The following CNNM2 variants were observed in gnomAD, a reference collection of about 807,000 sequenced individuals.
The protein encoded by CNNM2 is metal transporter CNNM2.
Under a neutral mutation model 66.9 loss-of-function variants are expected in CNNM2, and 12 were observed. The observed-to-expected ratio is 0.18, with a 90% confidence interval of 0.11 to 0.29. The LOEUF is 0.29. Ranked by LOEUF, CNNM2 falls within the 10% of genes least tolerant of loss-of-function variation. The pLI, the probability that CNNM2 is intolerant of heterozygous loss-of-function variation, is 1.00. For synonymous variants in CNNM2, 557 were observed against 501.8 expected, an observed-to-expected ratio of 1.11 and a Z score of -1.47; for missense variants, 705 against 1,167.7, an observed-to-expected ratio of 0.60 and a Z score of 5.77.
intron 1 of CNNM2, among the ~76,000 whole-genome samples, chr10:102,993,576 A>G (rs566051936): frequency 6.6e-6 from 1 of 152,024 alleles, no homozygotes; most frequent in Non-Finnish European, 1.5e-5. Context: ...GTTTCCTCCT[A>G]TTGTTTGTGA....
chr10:103,000,610 C>T (rs1217327813), intron 1 of CNNM2, among the ~76,000 whole-genome samples: 1 of 152,032 alleles, frequency 6.6e-6, no homozygotes, highest in African/African-American at 2.4e-5. Context: ...CGTGCCACCA[C>T]ACCTGGCTCA....
At chr10:102,978,833 T>C (rs2063677727) in intron 1 of CNNM2, among the ~76,000 whole-genome samples, 1 of 152,178 alleles carries the variant, frequency 6.6e-6, no homozygotes, top group African/African-American at 2.4e-5. Flanking sequence ...TCAGTTTTGT[T>C]GTTTTTGTAC....
chr10:103,089,833 G>A lies in CNNM2; in HGVS notation c.*12653G>A, dbSNP rs777275675. 5.0e-6 allele frequency: 8 copies of A among 1,614,060 alleles called. No individual in the cohort carries two copies. The highest frequency in any genetic ancestry group is 5.1e-6 in the Non-Finnish European group (6 of 1,180,000). ...GTGTCTTTGAAATCCACTGATGTGCGGTTCCGGGTGGCAAGAGGAGACTCC... is the reference window on the plus strand; with the variant it reads ...GTGTCTTTGAAATCCACTGATGTGCAGTTCCGGGTGGCAAGAGGAGACTCC... On this transcript the variant is annotated 3_prime_UTR_variant, in exon 8 of 8. Transcript: ENST00000369878.
Position 102,921,896 on chromosome 10 carries a change from A to C in CNNM2, c.1621+1795A>C, listed in dbSNP as rs529197805. Among the ~76,000 whole-genome samples, 301 of 152,202 alleles carry C rather than the reference A, an allele frequency of 2.0e-3. 2 individuals are homozygous for C. The highest frequency in any genetic ancestry group is 7.1e-3 in the African/African-American group (294 of 41,510). On this transcript the variant is annotated intron_variant, in intron 1 of 7. Coordinates refer to ENST00000369878, the MANE Select transcript of CNNM2 (RefSeq NM_017649.5). The stretch of plus-strand genomic sequence containing the variant: ...CCTTGAGAATTTAGTTTTTCACCTC[A>C]CAGCTCCTTAATGCCGCCCTTACTC...
intron 2 of CNNM2, among the ~76,000 whole-genome samples, chr10:103,052,325 A>G (rs2065229468): frequency 6.6e-6 from 1 of 151,058 alleles, no homozygotes; most frequent in South Asian, 2.1e-4. Context: ...GTGTGTCTGT[A>G]TTTCTGTTTG....
chr10:103,071,133 A>G (rs1044544276), intron 5 of CNNM2, among the ~76,000 whole-genome samples: 1 of 152,208 alleles, frequency 6.6e-6, no homozygotes, highest in Non-Finnish European at 1.5e-5. Flanking sequence ...CTTAAGACCT[A>G]CCTGCCCCAG....
intron 1 of CNNM2, among the ~76,000 whole-genome samples, chr10:103,010,172 A>T (rs2064313329): frequency 6.6e-6 from 1 of 152,184 alleles, no homozygotes; most frequent in Admixed American, 6.5e-5. Flanking sequence ...ATATAGAAAC[A>T]TGTTCATATA....
intron 1 of CNNM2, among the ~76,000 whole-genome samples, chr10:102,943,487 A>G (rs1167503322): frequency 6.6e-6 from 1 of 152,162 alleles, no homozygotes; most frequent in East Asian, 1.9e-4. Context: ...GGTAGGAGAT[A>G]CACTGAAATG....
chr10:102,984,941 C>T (rs930399940), intron 1 of CNNM2, among the ~76,000 whole-genome samples: 14 of 151,988 alleles, frequency 9.2e-5, no homozygotes, highest in Admixed American at 7.9e-4. Context: ...CCACTGTGCC[C>T]GGGCTTTACT....
chr10:103,072,629 CCTAA>C (rs1217763794), intron 6 of CNNM2, among the ~76,000 whole-genome samples: 2 of 152,314 alleles, frequency 1.3e-5, no homozygotes, highest in African/African-American at 4.8e-5. Context: ...GGTGGCCAGT[CCTAA>C]CTAATACGTC....
chr10:103,001,907 G>A (rs1387603538), intron 1 of CNNM2, among the ~76,000 whole-genome samples: 1 of 152,102 alleles, frequency 6.6e-6, no homozygotes, highest in Non-Finnish European at 1.5e-5. Context: ...AGACACAGGA[G>A]AATCACTTGA....
At chr10:103,014,717 G>A (rs2064408700) in intron 1 of CNNM2, among the ~76,000 whole-genome samples, 1 of 152,124 alleles carries the variant, frequency 6.6e-6, no homozygotes. Context: ...TTTGACAGAT[G>A]AAATTCCTCT....
At chr10:102,920,876 A>G (rs1437546004) in intron 1 of CNNM2, among the ~76,000 whole-genome samples, 2 of 152,332 alleles carry the variant, frequency 1.3e-5, no homozygotes, top group East Asian at 3.9e-4. Flanking sequence ...TTATCTGACA[A>G]CAGTTACAGT....
intron 1 of CNNM2, among the ~76,000 whole-genome samples, chr10:102,934,120 G>A (rs915806770): frequency 6.7e-6 from 1 of 150,176 alleles, no homozygotes; most frequent in African/African-American, 2.5e-5. Context: ...CTGGGATTAC[G>A]GATGAGTCAC....
intron 1 of CNNM2, among the ~76,000 whole-genome samples, chr10:102,935,133 T>A (rs1590272403): frequency 8.0e-6 from 1 of 125,078 alleles, no homozygotes; most frequent in Non-Finnish European, 1.6e-5. Context: ...CATTCCAGCC[T>A]GGGCGACAGA....
At chr10:102,940,249 T>C (rs1449996897) in intron 1 of CNNM2, among the ~76,000 whole-genome samples, 1 of 152,030 alleles carries the variant, frequency 6.6e-6, no homozygotes, top group Non-Finnish European at 1.5e-5. Context: ...CCACTGCGCC[T>C]GGCCTCCCCT....
Position 103,084,566 on chromosome 10 carries a change from C to T in CNNM2, c.*7386C>T, listed in dbSNP as rs1260881810. 6.6e-6 allele frequency: 1 copy of T among 152,160 alleles called. No homozygotes were observed. The highest frequency in any genetic ancestry group is 2.4e-5 in the African/African-American group (1 of 41,440). The allele number at this position is 152,160 out of a possible 1,614,324, so 9.4% of individuals were successfully genotyped here. A position where few individuals can be genotyped will look rare whatever the true frequency, so the allele number is the denominator to read the frequency against. On this transcript the variant is annotated 3_prime_UTR_variant, in exon 8 of 8. Coordinates refer to ENST00000369878, the MANE Select transcript of CNNM2 (RefSeq NM_017649.5). ...GTTTTTCCTGTTTTACTCACTTGGT[C>T]TAGATGAGCCCTTAGCTCAAATCAG...
chr10:102,987,759 AAAAAT>A (rs1318444833), intron 1 of CNNM2, among the ~76,000 whole-genome samples: 1 of 152,200 alleles, frequency 6.6e-6, no homozygotes, highest in Non-Finnish European at 1.5e-5. Flanking sequence ...CTGCTCTAAC[AAAAAT>A]AAAACACCCT....
At position 103,079,578 on chromosome 10, in the gene CNNM2, G is replaced by A. The variant is rs1489114040; in HGVS notation, c.*2398G>A. 2 of 152,310 alleles carry A rather than the reference G, an allele frequency of 1.3e-5. No homozygotes were observed. The highest frequency in any genetic ancestry group is 2.9e-5 in the Non-Finnish European group (2 of 68,106). The allele number at this position is 152,310 out of a possible 1,614,324, so 9.4% of individuals were successfully genotyped here. ...CAGCTGCTGCCTCTGACTTCAGGGA[G>A]AAGCAGACTTCTTAATACTGTCTTA... On this transcript the variant is annotated 3_prime_UTR_variant, in exon 8 of 8. Coordinates refer to ENST00000369878, the MANE Select transcript of CNNM2 (RefSeq NM_017649.5).
Sources: gnomAD v4.1 joint callset for allele counts (sites outside exome capture counted in the v4.1 genomes callset) on GRCh38, gnomAD v4.1.1 for gene constraint, MANE v1.5 for transcripts, NCBI Gene and HGNC (gene_info 2026-07-23, HGNC 2026-07-21) for gene names.